DCC: variants seen among roughly 807,000 people sequenced by gnomAD.
DCC encodes DCC netrin 1 receptor, also known as netrin receptor DCC.
DCC carries 58 observed loss-of-function variants against 172.5 expected under a neutral mutation model. That is an observed-to-expected ratio of 0.34 (90% CI 0.27 to 0.42). The LOEUF (loss-of-function observed/expected upper bound fraction) is 0.42. Ranked by LOEUF, DCC falls within the 10% of genes least tolerant of loss-of-function variation. The pLI is 1.00. For synonymous variants in DCC, 709 were observed against 644.5 expected, an observed-to-expected ratio of 1.10 and a Z score of -1.52; for missense variants, 1,740 against 1,791.0, an observed-to-expected ratio of 0.97 and a Z score of 0.51.
At chr18:52,730,474 A>T (rs938189693) in intron 1 of DCC, among the ~76,000 whole-genome samples, 4 of 152,196 alleles carry the variant, frequency 2.6e-5, no homozygotes, top group African/African-American at 9.7e-5. Flanking sequence ...AAATACCTAT[A>T]TATCACCATG....
intron 1 of DCC, among the ~76,000 whole-genome samples, chr18:52,479,643 C>T (rs1012174302): frequency 1.4e-5 from 2 of 143,966 alleles, no homozygotes; most frequent in African/African-American, 5.0e-5. Context: ...CTTCCTTACA[C>T]ACTAATTCCA....
At chr18:52,499,157 A>G (rs922541126) in intron 1 of DCC, among the ~76,000 whole-genome samples, 1 of 152,176 alleles carries the variant, frequency 6.6e-6, no homozygotes, top group Non-Finnish European at 1.5e-5. Context: ...AGCTCCCTGA[A>G]TGCAGATGGT....
intron 1 of DCC, among the ~76,000 whole-genome samples, chr18:52,591,910 A>T (rs2033810042): frequency 1.3e-5 from 2 of 151,234 alleles, no homozygotes; most frequent in South Asian, 4.2e-4. Context: ...ATGGCCTTCC[A>T]AAGGTCCAGG....
chr18:52,611,391 A>G (rs1195658569), intron 1 of DCC, among the ~76,000 whole-genome samples: 1 of 151,702 alleles, frequency 6.6e-6, no homozygotes, highest in East Asian at 1.9e-4. Context: ...TTTTTTATAC[A>G]CTCTCACACA....
intron 7 of DCC, among the ~76,000 whole-genome samples, chr18:53,115,491 A>G (rs534855794): frequency 4.2e-4 from 63 of 151,546 alleles, no homozygotes; most frequent in African/African-American, 1.4e-3. Flanking sequence ...TGACTAGAAG[A>G]TAGCTTTCTA....
At chr18:53,160,611 G>T (rs576571622) in intron 8 of DCC, among the ~76,000 whole-genome samples, 1 of 152,052 alleles carries the variant, frequency 6.6e-6, no homozygotes, top group Admixed American at 6.6e-5. Flanking sequence ...GGGCTGATTC[G>T]TCTCACTTTA....
intron 2 of DCC, among the ~76,000 whole-genome samples, chr18:52,861,230 G>A (rs564373492): frequency 6.6e-6 from 1 of 152,120 alleles, no homozygotes; most frequent in East Asian, 1.9e-4. Flanking sequence ...ATTCTTACTT[G>A]CAAGGTCAGG....
chr18:52,628,509 A>G (rs991717264), intron 1 of DCC, among the ~76,000 whole-genome samples: 1 of 152,250 alleles, frequency 6.6e-6, no homozygotes, highest in Non-Finnish European at 1.5e-5. Context: ...CTGTGTGTAC[A>G]GCCATTCATC....
intron 1 of DCC, among the ~76,000 whole-genome samples, chr18:52,429,914 G>T (rs951485953): frequency 2.0e-5 from 3 of 152,146 alleles, no homozygotes; most frequent in Non-Finnish European, 4.4e-5. Flanking sequence ...GGGCTACAGA[G>T]AAATAATGGC....
intron 7 of DCC, among the ~76,000 whole-genome samples, chr18:53,085,972 T>C (rs1188990393): frequency 1.5e-5 from 1 of 67,154 alleles, no homozygotes; most frequent in East Asian, 2.7e-4. Context: ...CTTCTTCTTC[T>C]TCTTCTTCTT....
intron 1 of DCC, among the ~76,000 whole-genome samples, chr18:52,476,120 G>A (rs1598848267): frequency 6.6e-6 from 1 of 152,122 alleles, no homozygotes; most frequent in East Asian, 1.9e-4. Context: ...TACAGCACAG[G>A]CTCAATGAAA....
At chr18:52,858,697 G>C (rs1695816422) in intron 2 of DCC, among the ~76,000 whole-genome samples, 1 of 152,164 alleles carries the variant, frequency 6.6e-6, no homozygotes, top group African/African-American at 2.4e-5. Context: ...AACCCCATGG[G>C]GGAGTTCAAA....
intron 19 of DCC, among the ~76,000 whole-genome samples, chr18:53,404,194 AC>A (rs1231065859): frequency 1.3e-5 from 2 of 152,186 alleles, no homozygotes; most frequent in Non-Finnish European, 2.9e-5. Context: ...TGGGAAATCA[AC>A]AGTAATAAGT....
chr18:52,808,698 G>A (rs1041932972), intron 2 of DCC, among the ~76,000 whole-genome samples: 4 of 152,046 alleles, frequency 2.6e-5, no homozygotes, highest in African/African-American at 2.4e-5. Flanking sequence ...CCTGTTGTAC[G>A]GACTCCTTGC....
At position 52,656,204 on chromosome 18, in the gene DCC, C is replaced by G. The variant is rs111801455; in HGVS notation, c.92-95850C>G. Among the ~76,000 whole-genome samples, 121 of 151,478 alleles carry G rather than the reference C, an allele frequency of 8.0e-4. 1 individual carries two copies. The highest frequency in any genetic ancestry group is 2.8e-3 in the African/African-American group (116 of 41,250). ...ATTCATATGTCGAAATCCTAACCCC[C>G]AAAGTGATGGTGTTAGGAGATGGGA... is the stretch of plus-strand genomic sequence containing the variant. On this transcript the variant is annotated intron_variant, in intron 1 of 28. Coordinates refer to ENST00000442544, the MANE Select transcript of DCC (RefSeq NM_005215.4).
chr18:53,094,188 T>C (rs1316563029), intron 7 of DCC, among the ~76,000 whole-genome samples: 1 of 152,210 alleles, frequency 6.6e-6, no homozygotes, highest in Non-Finnish European at 1.5e-5. Context: ...AGGATCCATT[T>C]GTGTTATATG....
chr18:53,446,124 A>AAAACAAAC (rs369426007), intron 22 of DCC, among the ~76,000 whole-genome samples: 1 of 117,174 alleles, frequency 8.5e-6, no homozygotes, highest in Non-Finnish European at 1.8e-5. Flanking sequence ...ACAAAAAAAA[A>AAAACAAAC]CACTTAAAAA....
intron 2 of DCC, among the ~76,000 whole-genome samples, chr18:52,831,288 A>G (rs950923535): frequency 2.0e-5 from 3 of 152,164 alleles, no homozygotes; most frequent in African/African-American, 7.2e-5. Flanking sequence ...GAGCCAGACC[A>G]TGTAGTTGCT....
chr18:53,312,164 AAAAAAAAAAAAAAG>A (rs368994183), intron 13 of DCC, among the ~76,000 whole-genome samples: 76,173 of 143,412 alleles, frequency 0.53, 21,395 homozygotes, highest in East Asian at 0.71. Flanking sequence ...AAAAAAAAAA[AAAAAAAAAAAAAAG>A]AAAAAGAAAA....
Sources: gnomAD v4.1 joint callset for allele counts (sites outside exome capture counted in the v4.1 genomes callset) on GRCh38, gnomAD v4.1.1 for gene constraint, MANE v1.5 for transcripts, NCBI Gene and HGNC (gene_info 2026-07-23, HGNC 2026-07-21) for gene names.